The following PTPRT variants were observed in gnomAD, a reference collection of about 807,000 sequenced individuals.
The protein encoded by PTPRT is receptor-type tyrosine-protein phosphatase T.
Under a neutral mutation model 176.8 loss-of-function variants are expected in PTPRT, and 56 were observed. The ratio of observed to expected loss-of-function variants is 0.32; its 90% CI spans 0.26 to 0.40. The LOEUF is 0.40. Among genes scored for constraint, PTPRT ranks in the 10% least tolerant of loss-of-function variants. The pLI is 1.00. For synonymous variants in PTPRT, 783 were observed against 739.0 expected (o/e 1.06, Z -0.96); for missense variants, 1,540 against 1,908.2 (o/e 0.81, Z 3.60).
chr20:42,767,742 A>C (rs1019538343), intron 5 of PTPRT, among the ~76,000 whole-genome samples: 5 of 146,110 alleles, frequency 3.4e-5, no homozygotes, highest in Non-Finnish European at 7.5e-5. Flanking sequence ...TTCTTTAATG[A>C]GTGCTATATA....
In PTPRT at chr20:42,743,752, G is replaced by A. The variant is rs186143955; in HGVS notation, c.859+12710C>T. ...GGGTGAAGTTTAAAAACAATACAAC[G>A]TGAGCATACTGAACCTCATCGATTA... On this transcript the variant is annotated intron_variant, in intron 6 of 30. Coordinates refer to ENST00000373187, the MANE Select transcript of PTPRT (RefSeq NM_007050.6). Among the ~76,000 whole-genome samples the A allele has an allele frequency of 3.9e-5, 6 of 152,310 alleles. No individual in the cohort carries two copies. The East Asian group carries it at 5.8e-4, about 15-fold the overall frequency.
intron 7 of PTPRT, among the ~76,000 whole-genome samples, chr20:42,608,180 C>T (rs6030363): frequency 0.12 from 18,316 of 152,110 alleles, 1,193 homozygotes; most frequent in South Asian, 0.15. Context: ...CTCATGTCTC[C>T]GGAATAAGTA....
chr20:42,205,461 C>A (rs897709205), intron 15 of PTPRT, among the ~76,000 whole-genome samples: 1 of 152,152 alleles, frequency 6.6e-6, no homozygotes, highest in African/African-American at 2.4e-5. Context: ...TTGGCTTTTG[C>A]AAGTACTCAG....
intron 7 of PTPRT, among the ~76,000 whole-genome samples, chr20:42,666,306 CTATT>C (rs2075316004): frequency 6.6e-6 from 1 of 151,836 alleles, no homozygotes; most frequent in Non-Finnish European, 1.5e-5. Flanking sequence ...ATTTGAATGC[CTATT>C]TATTTTTGTG....
At chr20:42,584,705 G>A (rs79682056) in intron 7 of PTPRT, among the ~76,000 whole-genome samples, 4,690 of 152,084 alleles carry the variant, frequency 0.031, 243 homozygotes, top group African/African-American at 0.11. Flanking sequence ...TCTTTAGTAC[G>A]AATTCTCCGC....
chr20:42,573,917 T>C (rs944803383), intron 7 of PTPRT, among the ~76,000 whole-genome samples: 5 of 151,836 alleles, frequency 3.3e-5, no homozygotes. Context: ...CCCGGTTAAT[T>C]TTTTGTATTT....
chr20:42,510,551 G>A (rs1318257642), intron 7 of PTPRT, among the ~76,000 whole-genome samples: 1 of 151,970 alleles, frequency 6.6e-6, no homozygotes, highest in Non-Finnish European at 1.5e-5. Context: ...CCAGATAAGA[G>A]CTCAGACCCC....
intron 27 of PTPRT, among the ~76,000 whole-genome samples, chr20:42,094,571 G>C (rs1305267818): frequency 6.6e-6 from 1 of 151,952 alleles, no homozygotes; most frequent in Non-Finnish European, 1.5e-5. Context: ...TACAGGCATG[G>C]ACCACCATGC....
At chr20:42,506,945 T>C (rs1333069495) in intron 7 of PTPRT, among the ~76,000 whole-genome samples, 1 of 152,088 alleles carries the variant, frequency 6.6e-6, no homozygotes, top group East Asian at 1.9e-4. Flanking sequence ...TCTGACCACA[T>C]CTTATTAATA....
At chr20:42,184,379 G>A (rs1184177585) in intron 16 of PTPRT, among the ~76,000 whole-genome samples, 1 of 152,036 alleles carries the variant, frequency 6.6e-6, no homozygotes, top group African/African-American at 2.4e-5. Flanking sequence ...TCACCTTGAA[G>A]TACCTTAAGG....
intron 9 of PTPRT, among the ~76,000 whole-genome samples, chr20:42,354,586 A>C (rs1225324631): frequency 6.6e-6 from 1 of 152,194 alleles, no homozygotes; most frequent in Non-Finnish European, 1.5e-5. Context: ...TAGGCCCTGC[A>C]CTGTGTGCTG....
At chr20:42,977,786 G>A (rs1372919431) in intron 1 of PTPRT, among the ~76,000 whole-genome samples, 1 of 152,146 alleles carries the variant, frequency 6.6e-6, no homozygotes. Flanking sequence ...CTCTATTGCT[G>A]AACATTTAAA....
At chr20:43,093,092 T>A (rs777433077) in intron 1 of PTPRT, among the ~76,000 whole-genome samples, 13 of 152,230 alleles carry the variant, frequency 8.5e-5, no homozygotes, top group Non-Finnish European at 1.5e-5. Flanking sequence ...TATTAGATGG[T>A]CACTTTTTAA....
At chr20:42,125,055 G>A (rs1474709404) in intron 19 of PTPRT, among the ~76,000 whole-genome samples, 2 of 152,106 alleles carry the variant, frequency 1.3e-5, no homozygotes, top group African/African-American at 4.8e-5. Context: ...TCAATCAAGG[G>A]CTTCAGTTCT....
chr20:42,954,148 A>G (rs577203142), intron 1 of PTPRT, among the ~76,000 whole-genome samples: 261 of 152,178 alleles, frequency 1.7e-3, no homozygotes, highest in Middle Eastern at 0.01. Flanking sequence ...GCCAGAGTTG[A>G]CTGGTCTCAG....
At chr20:42,296,075 A>T (rs1162932771) in intron 12 of PTPRT, among the ~76,000 whole-genome samples, 1 of 152,224 alleles carries the variant, frequency 6.6e-6, no homozygotes, top group East Asian at 1.9e-4. Flanking sequence ...TAATATAGGC[A>T]ATATGTGAAA....
intron 1 of PTPRT, among the ~76,000 whole-genome samples, chr20:43,082,942 CTCT>C (rs1568773613): frequency 6.6e-6 from 1 of 152,236 alleles, no homozygotes; most frequent in East Asian, 1.9e-4. Flanking sequence ...TGCTGACCCA[CTCT>C]TCTTCTTCAC....
intron 11 of PTPRT, among the ~76,000 whole-genome samples, chr20:42,345,612 G>C (rs1473520926): frequency 7.6e-6 from 1 of 131,688 alleles, no homozygotes; most frequent in Non-Finnish European, 1.7e-5. Flanking sequence ...GTGTGTGTGT[G>C]TGTGTGTATA....
chr20:42,180,110 C>T (rs1333217113), intron 16 of PTPRT, among the ~76,000 whole-genome samples: 1 of 152,198 alleles, frequency 6.6e-6, no homozygotes, highest in Non-Finnish European at 1.5e-5. Context: ...TGAGACTCAG[C>T]TCTCATAGGC....
Sources: gnomAD v4.1 joint callset for allele counts (sites outside exome capture counted in the v4.1 genomes callset) on GRCh38, gnomAD v4.1.1 for gene constraint, MANE v1.5 for transcripts, NCBI Gene and HGNC (gene_info 2026-07-23, HGNC 2026-07-21) for gene names.